The following EIF5A2 variants were observed in gnomAD, a reference collection of about 807,000 sequenced individuals.
EIF5A2 encodes eukaryotic translation initiation factor 5A2.
EIF5A2 carries 15 observed loss-of-function variants against 16.4 expected under a neutral mutation model. That is an observed-to-expected ratio of 0.92 (90% confidence interval 0.61 to 1.41). The LOEUF is 1.41. Ranked by LOEUF, EIF5A2 falls within the 40% of genes most tolerant of loss-of-function variation. The probability of loss-of-function intolerance (pLI) is 0.00; values close to 1 mark genes in which losing one functional copy is unlikely to be tolerated. For synonymous variants in EIF5A2, 48 were observed against 61.1 expected (o/e 0.79, Z 1.00); for missense variants, 144 against 189.5 (o/e 0.76, Z 1.41).
At chr3:170,902,607 C>CTTTTTTTTTT (rs1178996738) in intron 3 of EIF5A2, among the ~76,000 whole-genome samples, 2 of 102,246 alleles carry the variant, frequency 2.0e-5, no homozygotes, top group African/African-American at 4.0e-5. Context: ...AGAAGCCTTC[C>CTTTTTTTTTT]TTTTTTTTTT....
rs1712577756 is a variant in EIF5A2 at position 170,893,184 on chromosome 3, T to C, written c.*176A>G. ...CAAAATTCAAAAAAAATTATACATA[T>C]TGATAATTTTTTAAAAATTATCAAT... On this transcript the variant is annotated 3_prime_UTR_variant, in exon 5 of 5. Coordinates refer to ENST00000295822, the MANE Select transcript of EIF5A2 (RefSeq NM_020390.6). 1 of 492,620 alleles carries C rather than the reference T, an allele frequency of 2.0e-6. No homozygotes were observed. The highest frequency in any genetic ancestry group is 2.0e-5 in the African/African-American group (1 of 50,154). The allele number at this position is 492,620 out of a possible 1,614,324, so 30.5% of individuals were successfully genotyped here.
chr3:170,908,499 A>ATCCCCACCAGCTTT (rs554880365), intron 1 of EIF5A2, 44 bp downstream of exon 1: 3 of 153,102 alleles, frequency 2.0e-5, no homozygotes, highest in Non-Finnish European at 4.4e-5. Flanking sequence ...CTCTGGCCCC[A>ATCCCCACCAGCTTT]TCCCCACCAG....
Position 170,907,094 on chromosome 3 carries a change from C to T in EIF5A2, c.166-1G>A, listed in dbSNP as rs780465448. On this transcript the variant is annotated splice_acceptor_variant, in intron 2 of 4. Transcript: ENST00000295822. LOFTEE classifies it high-confidence loss of function. Reference sequence around the variant, plus strand: ...AAATATCAATTCCAACAAGGTGAACCTAACAGAGGAGAACAGGAAACCTGT... The same window carrying T: ...AAATATCAATTCCAACAAGGTGAACTTAACAGAGGAGAACAGGAAACCTGT... The T allele has an allele frequency of 1.2e-6, 2 of 1,605,612 alleles. No individual in the cohort carries two copies. The highest frequency in any genetic ancestry group is 1.1e-5 in the South Asian group (1 of 89,892).
chr3:170,905,710 A>G (rs1218138187), intron 3 of EIF5A2, among the ~76,000 whole-genome samples: 1 of 152,214 alleles, frequency 6.6e-6, no homozygotes, highest in African/African-American at 2.4e-5. Flanking sequence ...AGGGGGAAAC[A>G]GAACAGCACT....
intron 3 of EIF5A2, among the ~76,000 whole-genome samples, chr3:170,902,003 A>G (rs894165314): frequency 6.6e-6 from 1 of 152,152 alleles, no homozygotes; most frequent in African/African-American, 2.4e-5. Flanking sequence ...CTGACCCATC[A>G]TCTGACCCAT....
chr3:170,908,611 A>G lies in EIF5A2; in HGVS notation c.-104T>C, dbSNP rs1443267421. On this transcript the variant is annotated 5_prime_UTR_variant, in exon 1 of 5. Coordinates refer to ENST00000295822, the MANE Select transcript of EIF5A2 (RefSeq NM_020390.6). ...GGTCCCCTACAGCAGCGGCGCCGGC[A>G]GCGGCGGTGGCGGCCGCGGCAGTTC... 2.0e-5 allele frequency: 3 copies of G among 152,880 alleles called. No homozygotes were observed. The highest frequency in any genetic ancestry group is 4.8e-5 in the African/African-American group (2 of 41,490). The allele number at this position is 152,880 out of a possible 1,614,324, so 9.5% of individuals were successfully genotyped here.
At position 170,892,954 on chromosome 3, in the gene EIF5A2, C is replaced by T; in HGVS notation, c.*406G>A. ...ATAATCAGTTCATTTTATATTAAAT[C>T]TGTAATTAATGCAGAGCAGTTCAAC... On this transcript the variant is annotated 3_prime_UTR_variant, in exon 5 of 5. Transcript: ENST00000295822. 7.5e-6 allele frequency: 3 copies of T among 399,080 alleles called. No individual in the cohort carries two copies. The highest frequency in any genetic ancestry group is 1.3e-5 in the Non-Finnish European group (3 of 226,656). The allele number at this position is 399,080 out of a possible 1,614,324, so 24.7% of individuals were successfully genotyped here. A position where few individuals can be genotyped will look rare whatever the true frequency, so the allele number is the denominator to read the frequency against.
In EIF5A2 at chr3:170,907,674, T is replaced by C; in HGVS notation, c.133A>G (p.Thr45Ala). 4 of 1,606,694 alleles carry C rather than the reference T, an allele frequency of 2.5e-6. No individual in the cohort carries two copies. Among genetic ancestry groups the C allele is most frequent in the Non-Finnish European group, 3.4e-6 (4 of 1,174,100 alleles). The change falls in exon 2 of 5, where the codon ACT becomes GCT. Residue 45 changes from threonine (T) to alanine (A), a missense_variant. Physicochemically the swap from Thr to Ala is moderately conservative, Grantham distance 58 (BLOSUM62 0). Transcript: ENST00000295822. Reference protein sequence around the residue: ...GRPCKIVEMSTSKTGKHGHAK... With the variant: ...GRPCKIVEMSASKTGKHGHAK... Reference sequence around the variant, plus strand: ...TGACCATGCTTTCCAGTTTTGGAAGTTGACATCTCCACTATTTTGCATGGT... The same window carrying C: ...TGACCATGCTTTCCAGTTTTGGAAGCTGACATCTCCACTATTTTGCATGGT...
At chr3:170,907,226 T>TA (rs933761655) in intron 2 of EIF5A2, 133 bp from the exon 3 acceptor site, 328 of 560,182 alleles carry the variant, frequency 5.9e-4, no homozygotes, top group Admixed American at 1.8e-3. Context: ...TAATTTTACT[T>TA]AAAAAAAAAT....
At chr3:170,896,459 T>C (rs1712673377) in intron 3 of EIF5A2, among the ~76,000 whole-genome samples, 2 of 152,138 alleles carry the variant, frequency 1.3e-5, no homozygotes, top group South Asian at 4.1e-4. Context: ...TGGGACGCAA[T>C]TGGATCATGG....
intron 2 of EIF5A2, 35 bp from the exon 3 acceptor site, chr3:170,907,128 T>C (rs769825974): frequency 7.1e-6 from 10 of 1,410,622 alleles, no homozygotes; most frequent in South Asian, 3.6e-5. Flanking sequence ...GTTTAATCTC[T>C]GCCAAGTATA....
chr3:170,891,572 A>G lies in EIF5A2; in HGVS notation c.*1788T>C, dbSNP rs1712536977. ...ATCTTCTGTTACTAATGCTATTTCC[A>G]GTCACTGATTAGATCAGTTACATCA... On this transcript the variant is annotated 3_prime_UTR_variant, in exon 5 of 5. Transcript: ENST00000295822. 1 of 152,626 alleles carries G rather than the reference A, an allele frequency of 6.6e-6. No individual in the cohort carries two copies. Among genetic ancestry groups the G allele is most frequent in the African/African-American group, 2.4e-5 (1 of 41,466 alleles). 9.5% of individuals were successfully genotyped at this position (152,626 alleles called of 1,614,324 possible).
At position 170,907,116 on chromosome 3, in the gene EIF5A2, C is replaced by G. The variant is rs755357422; in HGVS notation, c.166-23G>C. Reference sequence around the variant, plus strand: ...AACCTAACAGAGGAGAACAGGAAACCTGTTTAATCTCTGCCAAGTATATCA... The same window carrying G: ...AACCTAACAGAGGAGAACAGGAAACGTGTTTAATCTCTGCCAAGTATATCA... On this transcript the variant is annotated intron_variant, in intron 2 of 4. Transcript: ENST00000295822. 5 of 1,520,958 alleles carry G rather than the reference C, an allele frequency of 3.3e-6. No homozygotes were observed. In the East Asian group the frequency reaches 1.1e-4, roughly 34 times the overall value. The allele number at this position is 1,520,958 out of a possible 1,614,324, so 94.2% of individuals were successfully genotyped here.
chr3:170,895,505 A>C (rs1372822029), intron 3 of EIF5A2, among the ~76,000 whole-genome samples: 1 of 152,204 alleles, frequency 6.6e-6, no homozygotes, highest in Non-Finnish European at 1.5e-5. Flanking sequence ...GTTTTATAAA[A>C]GGCTACCATC....
chr3:170,894,327 T>C lies in EIF5A2; in HGVS notation c.367A>G (p.Ile123Val), dbSNP rs568036226. Reference sequence around the variant, plus strand: ...TCACCTGCATTGTATTTTCCCTCTATTTCTTTGCCTAGTTCACCTTCTGGC... The same window carrying C: ...TCACCTGCATTGTATTTTCCCTCTACTTCTTTGCCTAGTTCACCTTCTGGC... ...KLPEGELGKEIEGKYNAGEDV... is the reference protein window; with the variant it reads ...KLPEGELGKEVEGKYNAGEDV... Residue 123 changes from isoleucine to valine, a missense_variant, in exon 4 of 5, where the codon ATA becomes GTA. Coordinates refer to ENST00000295822, the MANE Select transcript of EIF5A2 (RefSeq NM_020390.6). The C allele has an allele frequency of 1.4e-5, 23 of 1,614,054 alleles. No homozygotes were observed. In the South Asian group the frequency reaches 1.8e-4, roughly 12 times the overall value.
Position 170,893,363 on chromosome 3 carries a change from T to C in EIF5A2, c.459A>G (p.Lys153=). ...EEYAVAIKPC[K] Reference sequence around the variant, plus strand: ...TGTTCATGCCTGATGTTTCCGTTTATTTGCAGGGTTTTATGGCTACAGCAT... The same window carrying C: ...TGTTCATGCCTGATGTTTCCGTTTACTTGCAGGGTTTTATGGCTACAGCAT... The change falls in exon 5 of 5, where the codon AAA becomes AAG. Residue 153 remains lysine (K), a synonymous_variant. Coordinates refer to ENST00000295822, the MANE Select transcript of EIF5A2 (RefSeq NM_020390.6). 2 of 1,613,930 alleles carry C rather than the reference T, an allele frequency of 1.2e-6. No individual in the cohort carries two copies. Among genetic ancestry groups the C allele is most frequent in the East Asian group, 4.5e-5 (2 of 44,818 alleles).
At chr3:170,894,467 C>A in intron 3 of EIF5A2, 44 bp from the exon 4 acceptor site, 1 of 1,588,838 alleles carries the variant, frequency 6.3e-7, no homozygotes, top group Non-Finnish European at 8.6e-7. Context: ...AGATTATATC[C>A]ACTTCTGTGT....
rs67417067 is a variant in EIF5A2 at position 170,889,048 on chromosome 3, C to CTTTTTTTTTTTTTT, written c.*4298_*4311dup. On this transcript the variant is annotated 3_prime_UTR_variant, in exon 5 of 5. Transcript: ENST00000295822. ...ACTTCATATAAATACAATAACCTGT[C>CTTTTTTTTTTTTTT]TTTTTTTTTTTTTTTTTTTTTTTGT... 1.7e-4 allele frequency: 16 copies of CTTTTTTTTTTTTTT among 96,186 alleles called. 2 individuals carry two copies. Among genetic ancestry groups the CTTTTTTTTTTTTTT allele is most frequent in the East Asian group, 1.0e-3 (3 of 2,902 alleles). The allele number at this position is 96,186 out of a possible 1,614,324, so 6.0% of individuals were successfully genotyped here.
At chr3:170,898,120 C>G (rs1712718813) in intron 3 of EIF5A2, among the ~76,000 whole-genome samples, 1 of 152,204 alleles carries the variant, frequency 6.6e-6, no homozygotes, top group Non-Finnish European at 1.5e-5. Context: ...TGCCTGTATC[C>G]TCATTGTTTC....
Sources: gnomAD v4.1 joint callset for allele counts (sites outside exome capture counted in the v4.1 genomes callset) on GRCh38, gnomAD v4.1.1 for gene constraint, MANE v1.5 for transcripts, NCBI Gene and HGNC (gene_info 2026-07-23, HGNC 2026-07-21) for gene names.